ENOX1: variants seen among roughly 807,000 people sequenced by gnomAD.
ENOX1 encodes the protein ecto-NOX disulfide-thiol exchanger 1.
A neutral mutation model predicts 82.5 loss-of-function variants in ENOX1; 42 were observed. The ratio of observed to expected loss-of-function variants is 0.51; its 90% CI spans 0.40 to 0.66. The LOEUF is 0.66. Ranked by LOEUF, ENOX1 falls within the 30% of genes least tolerant of loss-of-function variation. ENOX1 has a pLI of 0.00. For missense variants in ENOX1, 608 were observed against 811.6 expected (o/e 0.75, Z 3.05); for synonymous variants, 271 against 282.2 (o/e 0.96, Z 0.40).
chr13:43,305,490 G>A (rs1446479133), intron 11 of ENOX1, among the ~76,000 whole-genome samples: 1 of 152,100 alleles, frequency 6.6e-6, no homozygotes, highest in African/African-American at 2.4e-5. Flanking sequence ...GGAGTGCAGG[G>A]TAAGCTAGAT....
At chr13:43,247,407 G>C (rs1480874710) in intron 14 of ENOX1, among the ~76,000 whole-genome samples, 1 of 152,098 alleles carries the variant, frequency 6.6e-6, no homozygotes. Context: ...AAATAGGGAA[G>C]ATGAGGGTGA....
intron 2 of ENOX1, among the ~76,000 whole-genome samples, chr13:43,509,555 T>C (rs909698453): frequency 3.4e-4 from 51 of 152,112 alleles, no homozygotes; most frequent in African/African-American, 1.2e-3. Flanking sequence ...ATACATCTGA[T>C]GTAGCACGAA....
intron 11 of ENOX1, chr13:43,321,150 G>T: frequency 2.2e-6 from 1 of 456,208 alleles, no homozygotes; most frequent in South Asian, 1.5e-5. Flanking sequence ...AGTTTCTAAG[G>T]CAGTGGTTCT....
chr13:43,644,066 A>G (rs77371473), intron 2 of ENOX1, among the ~76,000 whole-genome samples: 1 of 152,170 alleles, frequency 6.6e-6, no homozygotes, highest in Non-Finnish European at 1.5e-5. Context: ...TTGCTCTTTT[A>G]GTCATCTTAA....
At position 43,311,026 on chromosome 13, in the gene ENOX1, A is replaced by G. The variant is rs560107060; in HGVS notation, c.1261+11358T>C. Among the ~76,000 whole-genome samples the G allele has an allele frequency of 6.6e-5, 10 of 151,992 alleles. 1 individual carries two copies. The South Asian group carries it at 2.1e-3, about 32-fold the overall frequency. On this transcript the variant is annotated intron_variant, in intron 11 of 16. Transcript: ENST00000690772. ...GTAACATACAGAGTGTCTGATATAT[A>G]ATGATGGAAGCAGAATTCCACAGAG... is the stretch of plus-strand genomic sequence containing the variant.
chr13:43,483,241 A>ATATCCTGTTTCCTT (rs1162966574), intron 3 of ENOX1, among the ~76,000 whole-genome samples: 5 of 152,160 alleles, frequency 3.3e-5, no homozygotes, highest in African/African-American at 1.2e-4. Context: ...GCCTTATCCT[A>ATATCCTGTTTCCTT]TATCCTGTTT....
chr13:43,545,566 G>T (rs1245397462), intron 2 of ENOX1: 1 of 152,328 alleles, frequency 6.6e-6, no homozygotes, highest in Non-Finnish European at 1.5e-5. Flanking sequence ...TCGGTGGGGA[G>T]TGTGGAGCTT....
At chr13:43,747,700 A>T (rs766050) in intron 1 of ENOX1, among the ~76,000 whole-genome samples, 11,938 of 152,258 alleles carry the variant, frequency 0.078, 707 homozygotes, top group African/African-American at 0.16. Context: ...TGAGGCAAAA[A>T]CATTTTGAGG....
At chr13:43,325,366 A>T (rs565967055) in intron 10 of ENOX1, among the ~76,000 whole-genome samples, 3 of 152,320 alleles carry the variant, frequency 2.0e-5, no homozygotes, top group Admixed American at 2.0e-4. Context: ...TTGTGAAGTC[A>T]TTCGGTATTC....
chr13:43,596,107 T>C (rs1269526519), intron 2 of ENOX1, among the ~76,000 whole-genome samples: 3 of 152,192 alleles, frequency 2.0e-5, no homozygotes, highest in Non-Finnish European at 4.4e-5. Flanking sequence ...ATCTCTGAGC[T>C]TTAAAAAGAT....
chr13:43,569,672 A>AAAT (rs1229870590), intron 2 of ENOX1, among the ~76,000 whole-genome samples: 4 of 151,352 alleles, frequency 2.6e-5, no homozygotes, highest in Non-Finnish European at 5.9e-5. Context: ...GGTTTAAAAA[A>AAAT]AAAACTGTAT....
intron 5 of ENOX1, among the ~76,000 whole-genome samples, chr13:43,380,898 A>G (rs1038460213): frequency 1.1e-4 from 17 of 151,844 alleles, no homozygotes; most frequent in Non-Finnish European, 1.8e-4. Context: ...CAGAACTTCA[A>G]CATATATGAA....
At chr13:43,621,092 G>A (rs887020284) in intron 2 of ENOX1, among the ~76,000 whole-genome samples, 1 of 152,160 alleles carries the variant, frequency 6.6e-6, no homozygotes, top group African/African-American at 2.4e-5. Flanking sequence ...CCATTTGCAT[G>A]AAATGCCTTT....
intron 3 of ENOX1, among the ~76,000 whole-genome samples, chr13:43,474,676 T>G (rs773801678): frequency 3.9e-5 from 6 of 152,200 alleles, no homozygotes; most frequent in Non-Finnish European, 5.9e-5. Flanking sequence ...TTTATTCTAT[T>G]TCAAAGTTTG....
intron 9 of ENOX1, among the ~76,000 whole-genome samples, chr13:43,328,253 G>A (rs575133335): frequency 5.3e-5 from 8 of 152,306 alleles, no homozygotes; most frequent in Non-Finnish European, 1.5e-5. Flanking sequence ...GGGGCTTTCT[G>A]CATGTTTTGT....
chr13:43,259,481 T>G (rs1224170735), intron 14 of ENOX1, among the ~76,000 whole-genome samples: 1 of 152,182 alleles, frequency 6.6e-6, no homozygotes, highest in Non-Finnish European at 1.5e-5. Context: ...TTCCTTCTTT[T>G]TTTCTTTGAG....
chr13:43,767,125 G>A (rs1006713227), intron 1 of ENOX1, among the ~76,000 whole-genome samples: 2 of 152,136 alleles, frequency 1.3e-5, no homozygotes, highest in East Asian at 1.9e-4. Flanking sequence ...CGGGGAATGA[G>A]AACCTTGGAG....
chr13:43,470,308 ATATATATACACATATATATATG>A (rs2057961224), intron 3 of ENOX1, among the ~76,000 whole-genome samples: 2 of 38,624 alleles, frequency 5.2e-5, no homozygotes, highest in East Asian at 4.1e-4. Context: ...ATATATATAC[ATATATATACACATATATATATG>A]TATATATATA....
intron 2 of ENOX1, among the ~76,000 whole-genome samples, chr13:43,598,634 G>C (rs975824573): frequency 2.0e-5 from 3 of 152,114 alleles, no homozygotes; most frequent in Non-Finnish European, 4.4e-5. Context: ...GCAGTAAATT[G>C]GGAAAAGCCT....
Sources: allele counts gnomAD v4.1 joint callset (sites outside exome capture counted in the v4.1 genomes callset), GRCh38; gene constraint gnomAD v4.1.1; transcripts MANE v1.5; gene names NCBI Gene and HGNC (gene_info 2026-07-23, HGNC 2026-07-21).